Variants in ECT2L observed in about 807,000 individuals in gnomAD.
ECT2L encodes epithelial cell-transforming sequence 2 oncogene-like.
Under a neutral mutation model 122.8 loss-of-function variants are expected in ECT2L, and 126 were observed. The ratio of observed to expected loss-of-function variants is 1.03; its 90% CI spans 0.89 to 1.19. The LOEUF is 1.19. Ranked by LOEUF, ECT2L falls within the 50% of genes most tolerant of loss-of-function variation. ECT2L has a pLI of 0.00. For synonymous variants in ECT2L, 385 were observed against 381.8 expected (o/e 1.01, Z -0.10); for missense variants, 1,012 against 1,064.1 (o/e 0.95, Z 0.68).
chr6:138,797,576 G>T (rs933390108), intron 1 of ECT2L, among the ~76,000 whole-genome samples: 2 of 151,972 alleles, frequency 1.3e-5, no homozygotes, highest in Admixed American at 1.3e-4. Flanking sequence ...TGAGGATTTA[G>T]CTCTCTATAT....
In ECT2L at chr6:138,885,451, A is replaced by C. The variant is rs908939640; in HGVS notation, c.2029-55A>C. 1.4e-5 allele frequency: 21 copies of C among 1,555,130 alleles called. No individual in the cohort carries two copies. The Admixed American group carries it at 3.3e-4, about 25-fold the overall frequency. On this transcript the variant is annotated intron_variant, in intron 16 of 21. Coordinates refer to ENST00000541398, the MANE Select transcript of ECT2L (RefSeq NM_001077706.3). ...ATAGATCATGCTTGCTCAGTGGAAC[A>C]GTGGACTTTACAACTATCTCATAAA...
At position 138,886,774 on chromosome 6, in the gene ECT2L, G is replaced by A. The variant is rs1431839646; in HGVS notation, c.2260-83G>A. ...GAAAATACCAAGCCCTGTATCAAGC[G>A]CCATAAAATATTTTAATCTATTTCT... On this transcript the variant is annotated intron_variant, in intron 18 of 21. Transcript: ENST00000541398. The A allele has an allele frequency of 5.4e-5, 52 of 967,806 alleles. No homozygotes were observed. The South Asian group carries it at 6.8e-4, about 13-fold the overall frequency. 60.0% of individuals were successfully genotyped at this position (967,806 alleles called of 1,614,324 possible). A position where few individuals can be genotyped will look rare whatever the true frequency, so the allele number is the denominator to read the frequency against.
At chr6:138,837,724 A>G (rs1436476397) in intron 4 of ECT2L, among the ~76,000 whole-genome samples, 2 of 152,026 alleles carry the variant, frequency 1.3e-5, no homozygotes, top group East Asian at 3.9e-4. Flanking sequence ...TTTGCTTTGA[A>G]TTTCAACTCC....
chr6:138,822,019 G>T (rs1176654719), intron 4 of ECT2L, among the ~76,000 whole-genome samples: 1 of 152,262 alleles, frequency 6.6e-6, no homozygotes, highest in East Asian at 1.9e-4. Context: ...ACCGTAAGAA[G>T]ATCAGTCTGT....
intron 15 of ECT2L, among the ~76,000 whole-genome samples, chr6:138,881,714 C>G (rs770911510): frequency 2.6e-4 from 40 of 151,874 alleles, no homozygotes; most frequent in Non-Finnish European, 5.3e-4. Context: ...CAACCTAGAT[C>G]CTTCAAATGT....
intron 11 of ECT2L, among the ~76,000 whole-genome samples, chr6:138,863,137 T>C (rs73557287): frequency 0.08 from 12,236 of 152,210 alleles, 657 homozygotes; most frequent in East Asian, 0.18. Context: ...TAGCATTATC[T>C]GAGAGGAAAA....
At chr6:138,864,863 C>T (rs1028174779) in intron 11 of ECT2L, 133 bp from the exon 12 acceptor site, 31 of 785,062 alleles carry the variant, frequency 3.9e-5, no homozygotes, top group Non-Finnish European at 5.0e-5. Context: ...GGGTGTTTGT[C>T]TTAGTCTTCT....
At chr6:138,807,348 T>C (rs1775746669) in intron 1 of ECT2L, among the ~76,000 whole-genome samples, 1 of 152,216 alleles carries the variant, frequency 6.6e-6, no homozygotes, top group Non-Finnish European at 1.5e-5. Context: ...TCTCACCTTG[T>C]ACAGCTAAAG....
chr6:138,896,751 G>A (rs978174457), intron 20 of ECT2L, among the ~76,000 whole-genome samples: 2 of 152,092 alleles, frequency 1.3e-5, no homozygotes, highest in African/African-American at 2.4e-5. Flanking sequence ...GGGTTCAAGC[G>A]ATTCTCCTGC....
intron 4 of ECT2L, among the ~76,000 whole-genome samples, chr6:138,825,065 A>G (rs989373672): frequency 6.6e-6 from 1 of 152,202 alleles, no homozygotes; most frequent in Admixed American, 6.5e-5. Flanking sequence ...GACTGTGAGA[A>G]GTGACAAAGG....
chr6:138,873,794 C>CA (rs143474092), intron 13 of ECT2L, among the ~76,000 whole-genome samples: 266 of 151,378 alleles, frequency 1.8e-3, no homozygotes, highest in African/African-American at 6.2e-3. Context: ...GACTTTGTCT[C>CA]AAAAAAATAA....
chr6:138,811,365 A>C (rs893068832), intron 1 of ECT2L, among the ~76,000 whole-genome samples: 1 of 152,224 alleles, frequency 6.6e-6, no homozygotes, highest in Non-Finnish European at 1.5e-5. Flanking sequence ...CAGTCCCCGC[A>C]AACACCTTGA....
chr6:138,846,567 C>T lies in ECT2L; in HGVS notation c.793C>T (p.Pro265Ser). The T allele has an allele frequency of 6.2e-7, 1 of 1,603,292 alleles. No individual in the cohort carries two copies. The change falls in exon 8 of 22, where the codon CCT (proline) becomes TCT (serine). Residue 265 changes from proline to serine, a missense_variant. Coordinates refer to ENST00000541398, the MANE Select transcript of ECT2L (RefSeq NM_001077706.3). The stretch of plus-strand genomic sequence containing the variant: ...CAATATTTCTGGAAGCCATTCCTAC[C>T]CTTTATTATCAAAGAAAAATTGGCA... The part of the protein sequence containing the change: ...RSNISGSHSY[P>S]LLSKKNWHGV...
intron 9 of ECT2L, among the ~76,000 whole-genome samples, chr6:138,850,143 C>CT (rs533442081): frequency 0.013 from 1,266 of 98,600 alleles, 22 homozygotes; most frequent in African/African-American, 0.047. Flanking sequence ...CGTTTTGTGA[C>CT]TTTTTTCTTT....
intron 7 of ECT2L, 106 bp from the exon 8 acceptor site, chr6:138,846,433 C>T (rs1777221924): frequency 7.3e-6 from 8 of 1,095,516 alleles, no homozygotes; most frequent in African/African-American, 1.6e-5. Context: ...ATGGAGGCCA[C>T]GTGCCTTGTA....
At chr6:138,802,741 G>T (rs1000351614) in intron 1 of ECT2L, among the ~76,000 whole-genome samples, 1 of 152,008 alleles carries the variant, frequency 6.6e-6, no homozygotes, top group Admixed American at 6.6e-5. Flanking sequence ...TTTCTCCCTG[G>T]GTTGAATAGT....
rs1279402595 is a variant in ECT2L at position 138,829,308 on chromosome 6, A to G, written c.180-9044A>G. Among the ~76,000 whole-genome samples, 3 of 152,176 alleles carry G rather than the reference A, an allele frequency of 2.0e-5. 1 individual carries two copies. Among genetic ancestry groups the G allele is most frequent in the African/African-American group, 7.2e-5 (3 of 41,430 alleles). The stretch of plus-strand genomic sequence containing the variant: ...TTGGTATTAGGTATTGCCGTAATAG[A>G]GCACTCTTATAAGTATCTTATAAGG... On this transcript the variant is annotated intron_variant, in intron 4 of 21. Coordinates refer to ENST00000541398, the MANE Select transcript of ECT2L (RefSeq NM_001077706.3).
At chr6:138,838,205 A>C (rs761802283) in intron 4 of ECT2L, 147 bp from the exon 5 acceptor site, 9 of 886,806 alleles carry the variant, frequency 1.0e-5, no homozygotes, top group Non-Finnish European at 1.4e-5. Flanking sequence ...CCTGGCCTGA[A>C]AATTTTTTAA....
At position 138,849,380 on chromosome 6, in the gene ECT2L, C is replaced by G. The variant is rs763735707; in HGVS notation, c.1015C>G (p.Gln339Glu). 20 of 1,613,764 alleles carry G rather than the reference C, an allele frequency of 1.2e-5. No individual in the cohort carries two copies. Among genetic ancestry groups the G allele is most frequent in the Non-Finnish European group, 1.6e-5 (19 of 1,179,982 alleles). ...IEKALDGQKA[Q>E]SIGIFSDGDS... Reference sequence around the variant, plus strand: ...AAAAGCTCTGGATGGGCAGAAGGCACAGAGCATCGGAATATTTAGCGATGG... The same window carrying G: ...AAAAGCTCTGGATGGGCAGAAGGCAGAGAGCATCGGAATATTTAGCGATGG... The change falls in exon 9 of 22, where the codon CAG (glutamine) becomes GAG (glutamate). Residue 339 changes from glutamine to glutamate, a missense_variant. Transcript: ENST00000541398.
Sources: gnomAD v4.1 joint callset for allele counts (sites outside exome capture counted in the v4.1 genomes callset) on GRCh38, gnomAD v4.1.1 for gene constraint, MANE v1.5 for transcripts, NCBI Gene and HGNC (gene_info 2026-07-23, HGNC 2026-07-21) for gene names.